The following PHACTR3 variants were observed in gnomAD, a reference collection of about 807,000 sequenced individuals.
PHACTR3 encodes the protein protein phosphatase 1, regulatory subunit 123.
Under a neutral mutation model 66.8 loss-of-function variants are expected in PHACTR3, and 16 were observed. The observed-to-expected ratio is 0.24, with a 90% CI of 0.16 to 0.36. PHACTR3 has a LOEUF of 0.36. PHACTR3 is among the 10% of genes least tolerant of loss of function. The probability of loss-of-function intolerance (pLI) is 1.00; values close to 1 mark genes in which losing one functional copy is unlikely to be tolerated. For missense variants in PHACTR3, 647 were observed against 719.9 expected, an observed-to-expected ratio of 0.90 and a Z score of 1.16; for synonymous variants, 323 against 292.1, an observed-to-expected ratio of 1.11 and a Z score of -1.08.
intron 1 of PHACTR3, among the ~76,000 whole-genome samples, chr20:59,629,507 G>A (rs933479585): frequency 1.3e-4 from 20 of 152,312 alleles, no homozygotes; most frequent in Admixed American, 8.5e-4. Flanking sequence ...CCAGCAGGGC[G>A]GGTTCCTTCT....
intron 1 of PHACTR3, among the ~76,000 whole-genome samples, chr20:59,689,327 G>C (rs2037015012): frequency 6.6e-6 from 1 of 152,262 alleles, no homozygotes. Flanking sequence ...CTGTGGGGCA[G>C]GTCTGAGGCC....
chr20:59,651,447 T>A (rs998220266), intron 1 of PHACTR3, among the ~76,000 whole-genome samples: 2 of 152,220 alleles, frequency 1.3e-5, no homozygotes, highest in African/African-American at 2.4e-5. Flanking sequence ...CATGTTATAT[T>A]GCCATTACCA....
intron 5 of PHACTR3, among the ~76,000 whole-genome samples, chr20:59,771,085 G>A (rs2040343117): frequency 6.6e-6 from 1 of 152,190 alleles, no homozygotes; most frequent in Admixed American, 6.5e-5. Context: ...GGCCGTGGGG[G>A]CAGTGCTGGT....
chr20:59,761,077 CTTCTGGAATG>C (rs945774754), intron 4 of PHACTR3, among the ~76,000 whole-genome samples: 2 of 152,044 alleles, frequency 1.3e-5, no homozygotes, highest in Non-Finnish European at 2.9e-5. Context: ...ATTTCTTCTG[CTTCTGGAATG>C]TTCTGGAATG....
chr20:59,708,523 C>T (rs933239910), intron 1 of PHACTR3, among the ~76,000 whole-genome samples: 1 of 152,162 alleles, frequency 6.6e-6, no homozygotes, highest in Non-Finnish European at 1.5e-5. Context: ...CTGGGTTCTA[C>T]AGGTGGGGAT....
At position 59,765,361 on chromosome 20, in the gene PHACTR3, A is replaced by G. The variant is rs925956860; in HGVS notation, c.542-1825A>G. Among the ~76,000 whole-genome samples, 12 of 152,348 alleles carry G rather than the reference A, an allele frequency of 7.9e-5. No individual in the cohort carries two copies. In the South Asian group the frequency reaches 2.3e-3, roughly 29 times the overall value. On this transcript the variant is annotated intron_variant, in intron 4 of 12. Coordinates refer to ENST00000371015, the MANE Select transcript of PHACTR3 (RefSeq NM_080672.5). ...TTCATGTGGGTATCCATGCAGAACA[A>G]GAGTATAGAGCCAGTTGTAATGGTT...
chr20:59,801,414 A>C (rs1240871283), intron 7 of PHACTR3, among the ~76,000 whole-genome samples: 2 of 152,236 alleles, frequency 1.3e-5, no homozygotes, highest in African/African-American at 2.4e-5. Context: ...AATTCAGTCC[A>C]TGTTTGTCCA....
At chr20:59,637,662 C>G (rs4142050) in intron 1 of PHACTR3, among the ~76,000 whole-genome samples, 96,495 of 150,316 alleles carry the variant, frequency 0.64, 31,103 homozygotes, top group Non-Finnish European at 0.67. Context: ...TGATCCTTAA[C>G]CAACCAACAT....
rs564558745 is a variant in PHACTR3 at position 59,734,454 on chromosome 20, C to T, written c.119-8653C>T. Among the ~76,000 whole-genome samples, 6 of 152,102 alleles carry T rather than the reference C, an allele frequency of 3.9e-5. No individual in the cohort carries two copies. The South Asian group carries it at 1.0e-3, about 26-fold the overall frequency. On this transcript the variant is annotated intron_variant, in intron 1 of 12. Transcript: ENST00000371015. ...CTTCGTTTTTGTAGAGACAGGGTCT[C>T]ACTACGTTGCCCAGGCTGGGCTTGA...
rs1568697272 is a variant in PHACTR3 at position 59,674,593 on chromosome 20, GTCCCCGCTTCTCCTGTTCCCCCCTTCTC to G, written c.119-68513_119-68486del. On this transcript the variant is annotated intron_variant, in intron 1 of 12. Transcript: ENST00000371015. ...GCTTCTCCTGTTCCCCCCTTCTCCT[GTCCCCGCTTCTCCTGTTCCCCCCTTCTC>G]CTGTCCCCGCTTCTCCTGTTCCTCT... Among the ~76,000 whole-genome samples, 8 of 18,348 alleles carry G rather than the reference GTCCCCGCTTCTCCTGTTCCCCCCTTCTC, an allele frequency of 4.4e-4. No individual in the cohort carries two copies. The African/African-American group carries it at 5.0e-3, about 11-fold the overall frequency. The allele number at this position is 18,348 out of a possible 152,430, so 12.0% of individuals were successfully genotyped here.
At chr20:59,587,557 C>T (rs530401576) in intron 1 of PHACTR3, among the ~76,000 whole-genome samples, 1 of 152,354 alleles carries the variant, frequency 6.6e-6, no homozygotes, top group East Asian at 1.9e-4. Context: ...CCACACACAG[C>T]CTGTGGGTCA....
At chr20:59,599,409 A>C (rs1040378375) in intron 1 of PHACTR3, among the ~76,000 whole-genome samples, 2 of 152,220 alleles carry the variant, frequency 1.3e-5, no homozygotes, top group African/African-American at 4.8e-5. Context: ...AGTTGGTAGC[A>C]TAAGAAGACG....
chr20:59,722,820 C>T (rs1453746346), intron 1 of PHACTR3, among the ~76,000 whole-genome samples: 2 of 151,944 alleles, frequency 1.3e-5, no homozygotes, highest in African/African-American at 2.4e-5. Flanking sequence ...GGAGCCTCTG[C>T]TCACGGTGGG....
chr20:59,611,173 G>A (rs1024239516), intron 1 of PHACTR3, among the ~76,000 whole-genome samples: 14 of 152,332 alleles, frequency 9.2e-5, no homozygotes, highest in Admixed American at 8.5e-4. Context: ...TTCCTTTAAT[G>A]TAAAATGGTA....
chr20:59,691,208 T>TG (rs1246282151), intron 1 of PHACTR3, among the ~76,000 whole-genome samples: 13 of 152,360 alleles, frequency 8.5e-5, no homozygotes, highest in Non-Finnish European at 1.0e-4. Context: ...TCGGGTGTCC[T>TG]GGCGGAGACC....
intron 1 of PHACTR3, among the ~76,000 whole-genome samples, chr20:59,611,784 A>G (rs552985647): frequency 5.9e-5 from 9 of 152,240 alleles, no homozygotes; most frequent in Non-Finnish European, 1.2e-4. Flanking sequence ...GTGAATGGAA[A>G]TCTCCTAGGG....
At chr20:59,676,625 GA>G in intron 1 of PHACTR3, 2 of 892,582 alleles carry the variant, frequency 2.2e-6, no homozygotes, top group Non-Finnish European at 2.7e-6. Context: ...GAGCAAGTGA[GA>G]GTGCCAGGGC....
At chr20:59,704,657 T>C (rs1414272506) in intron 1 of PHACTR3, among the ~76,000 whole-genome samples, 1 of 151,616 alleles carries the variant, frequency 6.6e-6, no homozygotes, top group South Asian at 2.1e-4. Context: ...TTCTGGACTT[T>C]TTATTTTATT....
intron 1 of PHACTR3, among the ~76,000 whole-genome samples, chr20:59,659,719 T>C (rs746981475): frequency 6.6e-6 from 1 of 152,156 alleles, no homozygotes; most frequent in African/African-American, 2.4e-5. Context: ...TATTACCAGC[T>C]TCGAGTGCTT....
Sources: gnomAD v4.1 joint callset for allele counts (sites outside exome capture counted in the v4.1 genomes callset) on GRCh38, gnomAD v4.1.1 for gene constraint, MANE v1.5 for transcripts, NCBI Gene and HGNC (gene_info 2026-07-23, HGNC 2026-07-21) for gene names.